The following GPAT4 variants were observed in gnomAD, a reference collection of about 807,000 sequenced individuals.
The protein encoded by GPAT4 is 1-AGP acyltransferase 6.
Under a neutral mutation model 58.0 loss-of-function variants are expected in GPAT4, and 17 were observed. The observed-to-expected ratio is 0.29, with a 90% CI of 0.20 to 0.44. The LOEUF is 0.44. GPAT4 is among the 20% of genes least tolerant of loss of function. The probability of loss-of-function intolerance (pLI) is 1.00; values close to 1 mark genes in which losing one functional copy is unlikely to be tolerated. For synonymous variants in GPAT4, 204 were observed against 210.1 expected (o/e 0.97, Z 0.25); for missense variants, 377 against 574.5 (o/e 0.66, Z 3.51).
chr8:41,589,454 T>A (rs555639972), intron 1 of GPAT4, among the ~76,000 whole-genome samples: 28 of 152,314 alleles, frequency 1.8e-4, no homozygotes, highest in African/African-American at 6.7e-4. Flanking sequence ...GTGCAGACTC[T>A]TCCTATAAGG....
intron 1 of GPAT4, among the ~76,000 whole-genome samples, chr8:41,588,906 C>T (rs1223631378): frequency 6.6e-6 from 1 of 152,172 alleles, no homozygotes; most frequent in Non-Finnish European, 1.5e-5. Context: ...TGTGGGGGAA[C>T]GTTGGCCCTG....
chr8:41,615,129 G>A (rs1456144697), intron 10 of GPAT4, 81 bp downstream of exon 10: 3 of 1,306,256 alleles, frequency 2.3e-6, no homozygotes, highest in African/African-American at 2.9e-5. Context: ...AGAGGAAGGA[G>A]CTGGGGTCAC....
chr8:41,592,605 A>G (rs1217406172), intron 1 of GPAT4, among the ~76,000 whole-genome samples: 1 of 152,166 alleles, frequency 6.6e-6, no homozygotes, highest in African/African-American at 2.4e-5. Context: ...TTGATCTCCC[A>G]TTACAGTTCC....
chr8:41,586,756 G>C (rs1802664660), intron 1 of GPAT4, among the ~76,000 whole-genome samples: 1 of 152,144 alleles, frequency 6.6e-6, no homozygotes, highest in Non-Finnish European at 1.5e-5. Flanking sequence ...TAGAGAACTA[G>C]ATGCCTTTTA....
Position 41,622,399 on chromosome 8 carries a change from G to C in GPAT4, c.*1398G>C, listed in dbSNP as rs1803780496. The C allele has an allele frequency of 6.6e-6, 1 of 152,384 alleles. No homozygotes were observed. Among genetic ancestry groups the C allele is most frequent in the Non-Finnish European group, 1.5e-5 (1 of 68,132 alleles). 9.4% of individuals were successfully genotyped at this position (152,384 alleles called of 1,614,324 possible). On this transcript the variant is annotated 3_prime_UTR_variant, in exon 13 of 13. Coordinates refer to ENST00000396987, the MANE Select transcript of GPAT4 (RefSeq NM_178819.4). ...AAAGAGTCGGCCACTGGTGCCTGCT[G>C]TACAGTCACAGTGGAGGCAGAGCCA...
intron 1 of GPAT4, among the ~76,000 whole-genome samples, chr8:41,596,550 A>G (rs1034039954): frequency 6.6e-6 from 1 of 152,240 alleles, no homozygotes; most frequent in Non-Finnish European, 1.5e-5. Context: ...CCCGGTGTTC[A>G]GCCACTGCGT....
At chr8:41,608,864 C>T (rs1299584766) in intron 2 of GPAT4, among the ~76,000 whole-genome samples, 1 of 151,626 alleles carries the variant, frequency 6.6e-6, no homozygotes, top group East Asian at 1.9e-4. Flanking sequence ...TTTCCTTTAA[C>T]ACTATTAAGC....
chr8:41,603,222 G>A (rs1018723323), intron 2 of GPAT4, among the ~76,000 whole-genome samples: 4 of 152,090 alleles, frequency 2.6e-5, no homozygotes, highest in Non-Finnish European at 5.9e-5. Context: ...CGCCTGGGGA[G>A]GCATTTTAAA....
intron 1 of GPAT4, among the ~76,000 whole-genome samples, chr8:41,591,206 G>A (rs1802780699): frequency 1.3e-5 from 2 of 152,138 alleles, no homozygotes; most frequent in Admixed American, 1.3e-4. Context: ...TTTTCACGAT[G>A]CTTTTCCATA....
chr8:41,584,895 C>A (rs752330969), intron 1 of GPAT4: 1 of 152,160 alleles, frequency 6.6e-6, no homozygotes, highest in Non-Finnish European at 1.5e-5. Context: ...AGGCCCCGAA[C>A]CTGACCATGT....
intron 2 of GPAT4, among the ~76,000 whole-genome samples, chr8:41,606,693 G>C (rs1448852835): frequency 1.3e-5 from 2 of 152,150 alleles, no homozygotes; most frequent in African/African-American, 4.8e-5. Context: ...CTCCGAGCAT[G>C]GCCAAAAAAC....
At position 41,610,736 on chromosome 8, in the gene GPAT4, G is replaced by A. The variant is rs1563277517; in HGVS notation, c.537G>A (p.Arg179=). The A allele has an allele frequency of 1.2e-5, 20 of 1,609,450 alleles. No homozygotes were observed. The highest frequency in any genetic ancestry group is 1.6e-5 in the Non-Finnish European group (19 of 1,177,682). ...GCTCTAACTTTTCTTCTTCTTACAG[G>A]ATAGCACTGGCTTTCACAGGGATTA... The part of the protein sequence containing the change: ...LIRYCFLLPL[R]IALAFTGISL... Residue 179 remains arginine (R), a splice_region_variant and synonymous_variant, in exon 5 of 13, where the codon AGG becomes AGA. Transcript: ENST00000396987.
chr8:41,609,067 C>T (rs1269919626), intron 2 of GPAT4, among the ~76,000 whole-genome samples: 2 of 152,246 alleles, frequency 1.3e-5, no homozygotes, highest in African/African-American at 2.4e-5. Context: ...TGAGTAGCTG[C>T]CGTGCGGCAG....
rs570425422 is a variant in GPAT4 at position 41,607,256 on chromosome 8, AATTTTTTCCT to A, written c.166-2158_166-2149del. The stretch of plus-strand genomic sequence containing the variant: ...TTCCCCTGCCCTTGTGACTTGGGGC[AATTTTTTCCT>A]AAACACAGACGTGTTTTGTCATGTT... On this transcript the variant is annotated intron_variant, in intron 2 of 12. Coordinates refer to ENST00000396987, the MANE Select transcript of GPAT4 (RefSeq NM_178819.4). Among the ~76,000 whole-genome samples the A allele has an allele frequency of 1.6e-3, 248 of 152,250 alleles. 1 individual carries two copies. Among genetic ancestry groups the A allele is most frequent in the African/African-American group, 5.8e-3 (241 of 41,554 alleles).
intron 2 of GPAT4, among the ~76,000 whole-genome samples, chr8:41,604,033 T>A (rs1008018414): frequency 3.4e-5 from 4 of 118,566 alleles, no homozygotes; most frequent in Non-Finnish European, 7.1e-5. Flanking sequence ...GTAACACCTT[T>A]TAATTTTTTT....
intron 1 of GPAT4, among the ~76,000 whole-genome samples, chr8:41,579,578 C>G (rs1027984655): frequency 2.6e-5 from 4 of 152,096 alleles, no homozygotes; most frequent in Admixed American, 2.6e-4. Context: ...TGACTCACGC[C>G]GGTAATCCCA....
At chr8:41,614,713 A>G (rs35205809) in intron 9 of GPAT4, among the ~76,000 whole-genome samples, 8,757 of 152,304 alleles carry the variant, frequency 0.057, 338 homozygotes, top group Middle Eastern at 0.13. Flanking sequence ...TCCTAAGGCC[A>G]CTGCGCGTCT....
At chr8:41,598,162 C>T (rs1450674299) in intron 1 of GPAT4, 130 bp from the exon 2 acceptor site, 5 of 152,206 alleles carry the variant, frequency 3.3e-5, no homozygotes, top group Non-Finnish European at 7.3e-5. Context: ...ACCTTGATGA[C>T]TTGAGAAGCA....
At chr8:41,610,048 A>C in intron 4 of GPAT4, 93 bp downstream of exon 4, 1 of 1,514,256 alleles carries the variant, frequency 6.6e-7, no homozygotes, top group East Asian at 2.3e-5. Flanking sequence ...CCCGTTTTAG[A>C]AAGGAGGAGG....
Sources: gnomAD v4.1 joint callset for allele counts (sites outside exome capture counted in the v4.1 genomes callset) on GRCh38, gnomAD v4.1.1 for gene constraint, MANE v1.5 for transcripts, NCBI Gene and HGNC (gene_info 2026-07-23, HGNC 2026-07-21) for gene names.